ANAPC5: variants seen among roughly 807,000 people sequenced by gnomAD.
ANAPC5 encodes anaphase promoting complex subunit 5.
In ANAPC5, 60 loss-of-function variants were observed where a neutral mutation model predicts 91.3. The ratio of observed to expected loss-of-function variants is 0.66; its 90% CI spans 0.53 to 0.81. The LOEUF (loss-of-function observed/expected upper bound fraction) is 0.81, where lower values mean the gene tolerates loss of function less well. ANAPC5 is among the 40% of genes least tolerant of loss of function. The pLI is 0.00. For missense variants in ANAPC5, 690 were observed against 931.5 expected (o/e 0.74, Z 3.37); for synonymous variants, 340 against 364.1 (o/e 0.93, Z 0.75).
At chr12:121,347,678 C>T (rs1903723710) in intron 2 of ANAPC5, 124 bp downstream of exon 2, 1 of 708,956 alleles carries the variant, frequency 1.4e-6, no homozygotes, top group Non-Finnish European at 2.4e-6. Context: ...TAAGTAAAGG[C>T]TCTTGGGAAA....
In ANAPC5 at chr12:121,318,444, C is replaced by T. The variant is rs886363816; in HGVS notation, c.1746-20G>A. 2 of 1,610,896 alleles carry T rather than the reference C, an allele frequency of 1.2e-6. No homozygotes were observed. The highest frequency in any genetic ancestry group is 8.5e-7 in the Non-Finnish European group (1 of 1,177,914). ...AGGACACTGACCGTAAAGAGGAAAA[C>T]ACAGGATGAGAAGATCCACCACCAC... On this transcript the variant is annotated intron_variant, in intron 14 of 16. Coordinates refer to ENST00000261819, the MANE Select transcript of ANAPC5 (RefSeq NM_016237.5).
intron 5 of ANAPC5, among the ~76,000 whole-genome samples, chr12:121,341,411 A>C (rs1277954212): frequency 6.6e-6 from 1 of 151,654 alleles, no homozygotes; most frequent in Non-Finnish European, 1.5e-5. Context: ...CAGAGGTAGC[A>C]GGGACCCGAG....
chr12:121,322,870 A>G (rs1902675919), intron 11 of ANAPC5, among the ~76,000 whole-genome samples: 1 of 152,030 alleles, frequency 6.6e-6, no homozygotes, highest in African/African-American at 2.4e-5. Context: ...TAAAAGTACA[A>G]AAAAATAAGC....
chr12:121,352,547 G>A (rs1210553101), upstream of ANAPC5: 31 of 536,012 alleles, frequency 5.8e-5, no homozygotes, highest in Non-Finnish European at 9.9e-5. Context: ...ACAAGAGTGC[G>A]GGGAGGGGTG....
chr12:121,327,302 C>CT, intron 10 of ANAPC5, 71 bp from the exon 11 acceptor site: 1 of 1,579,714 alleles, frequency 6.3e-7, no homozygotes, highest in Non-Finnish European at 8.6e-7. Flanking sequence ...TGCCCGTCAG[C>CT]TATCTTGAGT....
At chr12:121,348,124 T>C (rs1269517038) in intron 1 of ANAPC5, among the ~76,000 whole-genome samples, 4 of 152,242 alleles carry the variant, frequency 2.6e-5, no homozygotes, top group African/African-American at 9.6e-5. Context: ...GAGGATCCAC[T>C]GTTCCTTCCT....
intron 12 of ANAPC5, 88 bp downstream of exon 12, chr12:121,320,297 T>C (rs1902545208): frequency 7.9e-7 from 1 of 1,270,426 alleles, no homozygotes; most frequent in Non-Finnish European, 1.1e-6. Context: ...ATATTATTTT[T>C]CTGAGGGGAG....
In ANAPC5 at chr12:121,328,502, G is replaced by A; in HGVS notation, c.1123-5C>T. The A allele has an allele frequency of 1.2e-6, 2 of 1,613,618 alleles. No homozygotes were observed. The highest frequency in any genetic ancestry group is 1.7e-6 in the Non-Finnish European group (2 of 1,179,814). On this transcript the variant is annotated splice_region_variant and splice_polypyrimidine_tract_variant and intron_variant, in intron 9 of 16. Transcript: ENST00000261819. ...TATTCCCAGGGAGGCGAGGTACTAA[G>A]GGGACAGATATACCCACGACCCAAG... is the stretch of plus-strand genomic sequence containing the variant.
At chr12:121,319,888 T>C (rs937713237) in intron 12 of ANAPC5, 70 bp from the exon 13 acceptor site, 12 of 1,425,204 alleles carry the variant, frequency 8.4e-6, no homozygotes, top group Non-Finnish European at 1.1e-5. Flanking sequence ...TATGAAAGTA[T>C]TTTGGATTGC....
At chr12:121,339,875 T>G (rs1213375917) in intron 5 of ANAPC5, among the ~76,000 whole-genome samples, 3 of 135,666 alleles carry the variant, frequency 2.2e-5, no homozygotes, top group Non-Finnish European at 4.5e-5. Context: ...CCAGTTTTTT[T>G]TTTTTTTTTT....
Position 121,345,844 on chromosome 12 carries a change from A to G in ANAPC5, c.585T>C (p.Ser195=), listed in dbSNP as rs1555274604. 1 of 1,612,684 alleles carries G rather than the reference A, an allele frequency of 6.2e-7. No homozygotes were observed. Among genetic ancestry groups the G allele is most frequent in the South Asian group, 1.1e-5 (1 of 90,742 alleles). The change falls in exon 4 of 17, where the codon TCT becomes TCC. Residue 195 remains serine (S), a synonymous_variant. Transcript: ENST00000261819. ...TGTCAGAAAAGCCAAATTACCTTAC[A>G]GATACATCAAGTTCTTCTTTTTCCA... ...RKMEKEELDV[S]VREEEVSCSG... is the part of the protein sequence containing the mutation.
At chr12:121,346,680 C>G in intron 3 of ANAPC5, 1 of 384,300 alleles carries the variant, frequency 2.6e-6, no homozygotes, top group Non-Finnish European at 4.6e-6. Context: ...GGACCAGGCT[C>G]TGACTCTTAC....
chr12:121,317,651 C>G (rs905452358), intron 15 of ANAPC5, among the ~76,000 whole-genome samples: 1 of 152,130 alleles, frequency 6.6e-6, no homozygotes, highest in Non-Finnish European at 1.5e-5. Flanking sequence ...CTCCGTAGGT[C>G]TGAGGCAAGG....
intron 1 of ANAPC5, among the ~76,000 whole-genome samples, chr12:121,350,160 C>A (rs536769571): frequency 3.3e-5 from 5 of 152,236 alleles, no homozygotes; most frequent in Admixed American, 3.3e-4. Flanking sequence ...GTCCTCAGTT[C>A]TCCCCTCTTC....
chr12:121,352,414 G>T (rs1014322981), upstream of ANAPC5: 25 of 1,227,690 alleles, frequency 2.0e-5, 1 homozygote, highest in East Asian at 5.2e-4. Context: ...ACACTACCGG[G>T]TCTACATCTC....
intron 5 of ANAPC5, among the ~76,000 whole-genome samples, chr12:121,340,576 A>G (rs1555274006): frequency 1.4e-5 from 2 of 146,792 alleles, no homozygotes; most frequent in Non-Finnish European, 3.0e-5. Flanking sequence ...TCACTTTGTC[A>G]CCCAGGCCAG....
chr12:121,314,095 T>C (rs1281037511), intron 15 of ANAPC5, among the ~76,000 whole-genome samples: 4 of 151,998 alleles, frequency 2.6e-5, no homozygotes, highest in Non-Finnish European at 5.9e-5. Flanking sequence ...CACAAATATA[T>C]AAATAAAATG....
chr12:121,346,606 T>A (rs1300764337), intron 3 of ANAPC5: 3 of 277,782 alleles, frequency 1.1e-5, no homozygotes, highest in Admixed American at 5.1e-5. Flanking sequence ...CACTTACAGA[T>A]GGACCATGCA....
At chr12:121,337,484 T>C (rs1423579193) in intron 5 of ANAPC5, 92 bp from the exon 6 acceptor site, 1 of 963,422 alleles carries the variant, frequency 1.0e-6, no homozygotes, top group Admixed American at 2.4e-5. Flanking sequence ...TATTTTCTTT[T>C]CTACAGGGGT....
Sources: gnomAD v4.1 joint callset for allele counts (sites outside exome capture counted in the v4.1 genomes callset) on GRCh38, gnomAD v4.1.1 for gene constraint, MANE v1.5 for transcripts, NCBI Gene and HGNC (gene_info 2026-07-23, HGNC 2026-07-21) for gene names.